Variants in NOSIP observed in about 807,000 individuals in gnomAD.
The protein encoded by NOSIP is nitric oxide synthase-interacting protein.
Under a neutral mutation model 36.4 loss-of-function variants are expected in NOSIP, and 25 were observed. The ratio of observed to expected loss-of-function variants is 0.69; its 90% CI spans 0.50 to 0.96. The LOEUF (loss-of-function observed/expected upper bound fraction) is 0.96, where lower values mean the gene tolerates loss of function less well. Ranked by LOEUF, NOSIP falls within the 40% of genes least tolerant of loss-of-function variation. NOSIP has a pLI of 0.00. For synonymous variants in NOSIP, 187 were observed against 179.2 expected (o/e 1.04, Z -0.35); for missense variants, 370 against 429.0 (o/e 0.86, Z 1.21).
intron 3 of NOSIP, chr19:49,559,308 C>A (rs938439056): frequency 4.2e-6 from 1 of 236,836 alleles, no homozygotes; most frequent in South Asian, 7.2e-5. Context: ...GTTGCAGCCA[C>A]GAGTTCGAGA....
At chr19:49,571,358 G>T (rs1289373263) in intron 1 of NOSIP, among the ~76,000 whole-genome samples, 2 of 151,904 alleles carry the variant, frequency 1.3e-5, no homozygotes, top group Non-Finnish European at 2.9e-5. Context: ...TCCAACCAAG[G>T]GTGGAAGAAT....
In NOSIP at chr19:49,558,245, C is replaced by CTTTTTT. The variant is rs747871503; in HGVS notation, c.258+646_258+651dup. ...GGTGATGTCAATTCACGTAGCACAT[C>CTTTTTT]TTTTTTTTTTTTTTTTTTTTTGAAA... is the stretch of plus-strand genomic sequence containing the variant. On this transcript the variant is annotated intron_variant, in intron 4 of 8. Transcript: ENST00000596358. The CTTTTTT allele has an allele frequency of 7.3e-5, 9 of 123,644 alleles. 1 individual carries two copies. The highest frequency in any genetic ancestry group is 2.7e-4 in the African/African-American group (8 of 29,870). 7.7% of individuals were successfully genotyped at this position (123,644 alleles called of 1,614,324 possible).
chr19:49,567,658 T>C (rs2080429038), intron 1 of NOSIP, among the ~76,000 whole-genome samples: 1 of 152,058 alleles, frequency 6.6e-6, no homozygotes, highest in Admixed American at 6.6e-5. Flanking sequence ...AAGGGACTAA[T>C]ATCATTTTCA....
At chr19:49,569,433 C>CAA in intron 1 of NOSIP, among the ~76,000 whole-genome samples, 1 of 147,498 alleles carries the variant, frequency 6.8e-6, no homozygotes, top group Non-Finnish European at 1.5e-5. Context: ...CTCCTGACCT[C>CAA]GTGATCTGCC....
intron 1 of NOSIP, among the ~76,000 whole-genome samples, chr19:49,571,084 C>T (rs930333958): frequency 2.0e-5 from 3 of 151,594 alleles, no homozygotes; most frequent in African/African-American, 7.3e-5. Flanking sequence ...TCAAGCAATT[C>T]TCCTGCCTCA....
At chr19:49,580,181 A>C (rs556715159) in intron 1 of NOSIP, among the ~76,000 whole-genome samples, 1 of 151,726 alleles carries the variant, frequency 6.6e-6, no homozygotes, top group Non-Finnish European at 1.5e-5. Flanking sequence ...CAGCAATCCC[A>C]GTCCACTCCT....
intron 4 of NOSIP, chr19:49,557,945 C>G: frequency 3.0e-6 from 3 of 986,974 alleles, no homozygotes; most frequent in Non-Finnish European, 3.6e-6. Flanking sequence ...GGGGGAGCCA[C>G]CTGCTTGGGA....
intron 1 of NOSIP, among the ~76,000 whole-genome samples, chr19:49,568,327 G>C (rs760052107): frequency 4.6e-5 from 7 of 152,122 alleles, no homozygotes; most frequent in Non-Finnish European, 1.0e-4. Flanking sequence ...GGTTATTTGA[G>C]ATCTGATGGA....
At chr19:49,574,814 G>C (rs1056325891) in intron 1 of NOSIP, among the ~76,000 whole-genome samples, 2 of 151,730 alleles carry the variant, frequency 1.3e-5, no homozygotes, top group African/African-American at 4.8e-5. Flanking sequence ...TCCTGCTTCA[G>C]CCTCCTAAGT....
rs1406091463 is a variant in NOSIP, at chr19:49,557,126, G to T, written c.382C>A (p.Pro128Thr). The T allele has an allele frequency of 1.2e-6, 2 of 1,613,072 alleles. No individual in the cohort carries two copies. Among genetic ancestry groups the T allele is most frequent in the East Asian group, 2.2e-5 (1 of 44,856 alleles). Residue 128 changes from proline to threonine, a missense_variant, in exon 5 of 9, where the codon CCT becomes ACT. Physicochemically the swap from Pro to Thr is conservative, Grantham distance 38 (BLOSUM62 -1). This residue lies in a region of NOSIP where 315 missense variants were observed against 331.9 expected (regional missense o/e 0.95). Transcript: ENST00000596358. The stretch of plus-strand genomic sequence containing the variant: ...CCCGAGAGGGCCTTGGCTGTGAAAG[G>T]GTTGAGGGGCCGGCTCACGATAGCC... Reference protein sequence around the residue: ...ESAIVSRPLNPFTAKALSGTS... With the variant: ...ESAIVSRPLNTFTAKALSGTS...
At chr19:49,562,910 A>G (rs1472401114) in intron 1 of NOSIP, among the ~76,000 whole-genome samples, 1 of 152,148 alleles carries the variant, frequency 6.6e-6, no homozygotes, top group Non-Finnish European at 1.5e-5. Context: ...AAGATCTAGT[A>G]ACATTATATA....
intron 1 of NOSIP, chr19:49,579,181 G>A (rs951028223): frequency 6.6e-6 from 1 of 152,192 alleles, no homozygotes; most frequent in Admixed American, 6.5e-5. Flanking sequence ...CACTGGACTT[G>A]ACTCTGCACC....
At chr19:49,561,545 CTT>C (rs894843560) in intron 1 of NOSIP, among the ~76,000 whole-genome samples, 2 of 152,126 alleles carry the variant, frequency 1.3e-5, no homozygotes, top group African/African-American at 4.8e-5. Context: ...TTTTAAATGA[CTT>C]TATTGAGACA....
At chr19:49,567,122 C>CTT (rs1234750784) in intron 1 of NOSIP, among the ~76,000 whole-genome samples, 25 of 108,320 alleles carry the variant, frequency 2.3e-4, no homozygotes, top group East Asian at 5.9e-4. Flanking sequence ...AGCCAAAAAA[C>CTT]TTTTTTTTTT....
chr19:49,567,343 G>C (rs1427876629), intron 1 of NOSIP, among the ~76,000 whole-genome samples: 1 of 149,680 alleles, frequency 6.7e-6, no homozygotes, highest in Non-Finnish European at 1.5e-5. Flanking sequence ...GGATGGTCTC[G>C]ATCTCCTGAC....
intron 1 of NOSIP, among the ~76,000 whole-genome samples, chr19:49,564,897 C>T (rs968867651): frequency 1.3e-5 from 2 of 152,200 alleles, no homozygotes; most frequent in East Asian, 1.9e-4. Flanking sequence ...ACCACGCAGG[C>T]GAGACACCAG....
In NOSIP at chr19:49,556,619, C is replaced by G. The variant is rs759426411; in HGVS notation, c.655G>C (p.Glu219Gln). The change falls in exon 7 of 9, where the codon GAG becomes CAG. Residue 219 changes from glutamate to glutamine, a missense_variant. Around this residue, in one of 3 missense-constraint regions of NOSIP, gnomAD observed 315 missense variants for 331.9 expected, o/e 0.95. Coordinates refer to ENST00000596358, the MANE Select transcript of NOSIP (RefSeq NM_001270960.2). ...VDRVGLITRSERYVCAVTRDS... is the reference protein window; with the variant it reads ...VDRVGLITRSQRYVCAVTRDS... ...CGGGTCACGGCACACACGTAGCGCT[C>G]GCTGCGGGTGATGAGCCCCACGCGG... The G allele has an allele frequency of 1.2e-6, 2 of 1,608,346 alleles. No homozygotes were observed. Among genetic ancestry groups the G allele is most frequent in the Non-Finnish European group, 1.7e-6 (2 of 1,179,736 alleles).
At position 49,557,116 on chromosome 19, in the gene NOSIP, G is replaced by A. The variant is rs2080262854; in HGVS notation, c.392C>T (p.Ala131Val). Reference sequence around the variant, plus strand: ...TGGGCTGGTGCCCGAGAGGGCCTTGGCTGTGAAAGGGTTGAGGGGCCGGCT... The same window carrying A: ...TGGGCTGGTGCCCGAGAGGGCCTTGACTGTGAAAGGGTTGAGGGGCCGGCT... ...IVSRPLNPFT[A>V]KALSGTSPDD... Residue 131 changes from alanine to valine, a missense_variant, in exon 5 of 9, where the codon GCC becomes GTC. By Grantham distance (64) the Ala-to-Val change is moderately conservative. Around this residue, in one of 3 missense-constraint regions of NOSIP, gnomAD observed 315 missense variants for 331.9 expected, o/e 0.95. Coordinates refer to ENST00000596358, the MANE Select transcript of NOSIP (RefSeq NM_001270960.2). 8.1e-6 allele frequency: 13 copies of A among 1,612,868 alleles called. No individual in the cohort carries two copies. Among genetic ancestry groups the A allele is most frequent in the African/African-American group, 1.3e-5 (1 of 74,920 alleles).
intron 1 of NOSIP, among the ~76,000 whole-genome samples, chr19:49,577,719 C>T (rs889313564): frequency 4.2e-5 from 6 of 141,732 alleles, no homozygotes; most frequent in Non-Finnish European, 7.5e-5. Context: ...GAGCCATGAT[C>T]GAACCACTGC....
Sources: allele counts gnomAD v4.1 joint callset (sites outside exome capture counted in the v4.1 genomes callset), GRCh38; gene constraint gnomAD v4.1.1; regional missense constraint gnomAD v4.1.1; transcripts MANE v1.5; gene names NCBI Gene and HGNC (gene_info 2026-07-23, HGNC 2026-07-21).